The following PPFIA2 variants were observed in gnomAD, a reference collection of about 807,000 sequenced individuals.
PPFIA2 encodes the protein PPFI scaffold protein A2.
In PPFIA2, 46 loss-of-function variants were observed where a neutral mutation model predicts 175.5. The ratio of observed to expected loss-of-function variants is 0.26; its 90% CI spans 0.21 to 0.34. The LOEUF (loss-of-function observed/expected upper bound fraction) is 0.34. PPFIA2 is among the 10% of genes least tolerant of loss of function. PPFIA2 has a pLI of 1.00. For synonymous variants in PPFIA2, 568 were observed against 511.4 expected, an observed-to-expected ratio of 1.11 and a Z score of -1.49; for missense variants, 1,179 against 1,506.1, an observed-to-expected ratio of 0.78 and a Z score of 3.60.
intron 4 of PPFIA2, among the ~76,000 whole-genome samples, chr12:81,660,225 A>C (rs948430417): frequency 9.8e-5 from 15 of 152,324 alleles, no homozygotes; most frequent in Non-Finnish European, 1.8e-4. Context: ...TGAGAGAAGA[A>C]GGCTTCAGAT....
At chr12:81,335,221 G>A (rs187584804) in intron 21 of PPFIA2, among the ~76,000 whole-genome samples, 42 of 152,208 alleles carry the variant, frequency 2.8e-4, no homozygotes, top group African/African-American at 9.9e-4. Flanking sequence ...TTAGACATGA[G>A]CATATTTGAG....
chr12:81,594,652 C>A (rs758604027), intron 4 of PPFIA2, among the ~76,000 whole-genome samples: 1 of 152,100 alleles, frequency 6.6e-6, no homozygotes, highest in Admixed American at 6.6e-5. Context: ...GGGTGGCTCA[C>A]TCCTGTAATC....
intron 4 of PPFIA2, among the ~76,000 whole-genome samples, chr12:81,665,051 G>C (rs979091783): frequency 1.8e-4 from 28 of 151,852 alleles, no homozygotes; most frequent in African/African-American, 6.5e-4. Flanking sequence ...GTGGGGGCAG[G>C]GGGGAGGGAT....
chr12:81,526,808 G>A (rs762986570), intron 4 of PPFIA2, among the ~76,000 whole-genome samples: 30 of 152,120 alleles, frequency 2.0e-4, no homozygotes, highest in Non-Finnish European at 3.5e-4. Context: ...GTGGTTCTGA[G>A]TAGGTTTAGT....
At chr12:81,624,470 A>G (rs1273426245) in intron 4 of PPFIA2, among the ~76,000 whole-genome samples, 1 of 146,398 alleles carries the variant, frequency 6.8e-6, no homozygotes, top group Non-Finnish European at 1.5e-5. Context: ...ACCTGGGCAT[A>G]TATATATATA....
At chr12:81,376,489 T>C (rs2036390564) in intron 9 of PPFIA2, among the ~76,000 whole-genome samples, 1 of 152,132 alleles carries the variant, frequency 6.6e-6, no homozygotes, top group Admixed American at 6.6e-5. Context: ...GCCATTTACC[T>C]AGTTATATAT....
intron 28 of PPFIA2, among the ~76,000 whole-genome samples, chr12:81,273,466 C>T (rs1391233330): frequency 1.3e-5 from 2 of 152,186 alleles, no homozygotes; most frequent in Admixed American, 6.5e-5. Flanking sequence ...CTACTGTTTT[C>T]AAATAGCTCT....
chr12:81,289,375 T>C (rs929790191), intron 24 of PPFIA2, among the ~76,000 whole-genome samples: 1 of 151,892 alleles, frequency 6.6e-6, no homozygotes, highest in Non-Finnish European at 1.5e-5. Flanking sequence ...AAAAATCACT[T>C]TGTTTAAAAC....
In PPFIA2 at chr12:81,368,965, A is replaced by G. The variant is rs1343358214; in HGVS notation, c.1351-109T>C. On this transcript the variant is annotated intron_variant, in intron 12 of 32. Transcript: ENST00000549396. Reference sequence around the variant, plus strand: ...TTAATTTTACATCTGTTTTGATTAAAGTGGTGGAAACATTTTATTCAAGTC... The same window carrying G: ...TTAATTTTACATCTGTTTTGATTAAGGTGGTGGAAACATTTTATTCAAGTC... 7.3e-6 allele frequency: 10 copies of G among 1,363,246 alleles called. No homozygotes were observed. The East Asian group carries it at 2.4e-4, about 32-fold the overall frequency. The allele number at this position is 1,363,246 out of a possible 1,614,324, so 84.4% of individuals were successfully genotyped here.
intron 4 of PPFIA2, among the ~76,000 whole-genome samples, chr12:81,576,762 C>T (rs1054639260): frequency 4.0e-5 from 6 of 151,686 alleles, no homozygotes; most frequent in Admixed American, 2.6e-4. Flanking sequence ...TAGATAATCA[C>T]GTCATATTTT....
At chr12:81,646,626 A>G (rs931175001) in intron 4 of PPFIA2, among the ~76,000 whole-genome samples, 3 of 152,224 alleles carry the variant, frequency 2.0e-5, no homozygotes, top group Admixed American at 1.3e-4. Flanking sequence ...TGCAATACTC[A>G]TACAAATTAT....
At chr12:81,600,388 C>A (rs2059664849) in intron 4 of PPFIA2, among the ~76,000 whole-genome samples, 2 of 151,834 alleles carry the variant, frequency 1.3e-5, no homozygotes, top group African/African-American at 4.8e-5. Context: ...ATGCTCCCAT[C>A]CTTTTGTTTT....
chr12:81,379,224 C>T (rs1375435393), intron 9 of PPFIA2, among the ~76,000 whole-genome samples: 1 of 151,982 alleles, frequency 6.6e-6, no homozygotes, highest in East Asian at 1.9e-4. Context: ...AAAGAGGAAG[C>T]TTTTTCTAGT....
intron 4 of PPFIA2, among the ~76,000 whole-genome samples, chr12:81,617,629 A>C (rs1287667984): frequency 6.6e-6 from 1 of 152,182 alleles, no homozygotes. Context: ...CACAGCCTAT[A>C]AGCTGTACAA....
At chr12:81,643,452 G>C (rs2065636073) in intron 4 of PPFIA2, among the ~76,000 whole-genome samples, 1 of 151,924 alleles carries the variant, frequency 6.6e-6, no homozygotes, top group African/African-American at 2.4e-5. Context: ...ACTTTCATTA[G>C]ATGCAACAAA....
chr12:81,702,234 T>TA (rs2076583487), intron 3 of PPFIA2, among the ~76,000 whole-genome samples: 1 of 151,704 alleles, frequency 6.6e-6, no homozygotes, highest in Non-Finnish European at 1.5e-5. Context: ...GTTCCACACA[T>TA]GCATCCCTTC....
At chr12:81,545,344 A>T (rs967037391) in intron 4 of PPFIA2, 4 of 152,134 alleles carry the variant, frequency 2.6e-5, no homozygotes, top group South Asian at 2.1e-4. Flanking sequence ...TGATACCACC[A>T]TACCCTGAGG....
At chr12:81,659,811 G>A (rs748119254) in intron 4 of PPFIA2, among the ~76,000 whole-genome samples, 15 of 152,220 alleles carry the variant, frequency 9.9e-5, no homozygotes, top group East Asian at 1.9e-4. Context: ...CCCCTAGTAC[G>A]GGCAGACTGA....
At chr12:81,548,256 C>T (rs1594799915) in intron 4 of PPFIA2, among the ~76,000 whole-genome samples, 1 of 152,094 alleles carries the variant, frequency 6.6e-6, no homozygotes, top group Non-Finnish European at 1.5e-5. Flanking sequence ...TTAGCAGCAA[C>T]ATTGGAATTT....
Sources: allele counts gnomAD v4.1 joint callset (sites outside exome capture counted in the v4.1 genomes callset), GRCh38; gene constraint gnomAD v4.1.1; transcripts MANE v1.5; gene names NCBI Gene and HGNC (gene_info 2026-07-23, HGNC 2026-07-21).